PDGFRA: variants seen among roughly 807,000 people sequenced by gnomAD.
PDGFRA encodes the protein platelet derived growth factor receptor alpha.
PDGFRA carries 25 observed loss-of-function variants against 121.5 expected under a neutral mutation model. The observed-to-expected ratio is 0.21, with a 90% CI of 0.15 to 0.29. The LOEUF (loss-of-function observed/expected upper bound fraction) is 0.29, where lower values mean the gene tolerates loss of function less well. Among genes scored for constraint, PDGFRA ranks in the 10% least tolerant of loss-of-function variants. PDGFRA has a pLI of 1.00. For synonymous variants in PDGFRA, 463 were observed against 494.8 expected (o/e 0.94, Z 0.85); for missense variants, 1,008 against 1,345.1 (o/e 0.75, Z 3.92).
At chr4:54,233,031 C>G (rs1017606848) in intron 1 of PDGFRA, among the ~76,000 whole-genome samples, 2 of 152,142 alleles carry the variant, frequency 1.3e-5, no homozygotes, top group Non-Finnish European at 2.9e-5. Context: ...CCCTTTCCCC[C>G]CACCCGCCCG....
rs1264343910 is a variant in PDGFRA at position 54,297,746 on chromosome 4, A to G, written c.*2474A>G. 4.3e-6 allele frequency: 1 copy of G among 233,392 alleles called. No individual in the cohort carries two copies. The highest frequency in any genetic ancestry group is 8.5e-6 in the Non-Finnish European group (1 of 118,038). 14.5% of individuals were successfully genotyped at this position (233,392 alleles called of 1,614,324 possible). On this transcript the variant is annotated 3_prime_UTR_variant, in exon 23 of 23. Transcript: ENST00000257290. ...AGAAGAAAATTTGCCAATCTTTCCTACTTTCTATTTTTATGATGACAATCA... is the reference window on the plus strand; with the variant it reads ...AGAAGAAAATTTGCCAATCTTTCCTGCTTTCTATTTTTATGATGACAATCA...
chr4:54,251,065 CAAAAAAAAAA>C (rs566538469), intron 1 of PDGFRA, among the ~76,000 whole-genome samples: 1 of 51,858 alleles, frequency 1.9e-5, no homozygotes, highest in Non-Finnish European at 4.4e-5. Flanking sequence ...AACTCCGTCT[CAAAAAAAAAA>C]AAAAAAAAAA....
In PDGFRA at chr4:54,288,865, G is replaced by A. The variant is rs1428997941; in HGVS notation, c.2741G>A (p.Arg914Gln). 1.9e-6 allele frequency: 3 copies of A among 1,612,862 alleles called. No individual in the cohort carries two copies. Among genetic ancestry groups the A allele is most frequent in the African/African-American group, 1.3e-5 (1 of 75,000 alleles). ...TFYNKIKSGY[R>Q]MAKPDHATSE... is the part of the protein sequence containing the mutation. ...TACAATAAGATCAAGAGTGGGTACC[G>A]GATGGCCAAGCCTGACCACGCTACC... Residue 914 changes from arginine to glutamine, a missense_variant, in exon 20 of 23, where the codon CGG (arginine) becomes CAG (glutamine). Arg to Gln is a conservative substitution (Grantham distance 43). Coordinates refer to ENST00000257290, the MANE Select transcript of PDGFRA (RefSeq NM_006206.6).
chr4:54,289,571 C>A (rs1213284504), intron 21 of PDGFRA, among the ~76,000 whole-genome samples: 2 of 152,140 alleles, frequency 1.3e-5, no homozygotes, highest in African/African-American at 4.8e-5. Flanking sequence ...TGGAACCAGG[C>A]AGGATATGTA....
rs1208544952 is a variant in PDGFRA, at chr4:54,271,868, TTTCC to T, written c.1238-514_1238-511del. On this transcript the variant is annotated intron_variant, in intron 8 of 22. Transcript: ENST00000257290. The stretch of plus-strand genomic sequence containing the variant: ...CCTCCCTCCCTCCCTTGTTCTCCCT[TTTCC>T]TTCCTTCCTTCTTTCCTTTCTTCCT... Among the ~76,000 whole-genome samples the T allele has an allele frequency of 4.4e-4, 50 of 114,002 alleles. 1 individual carries two copies. The Middle Eastern group carries it at 0.015, about 34-fold the overall frequency. The allele number at this position is 114,002 out of a possible 152,430, so 74.8% of individuals were successfully genotyped here.
chr4:54,258,887 G>A (rs1186105596), intron 2 of PDGFRA, 70 bp downstream of exon 2: 5 of 1,236,416 alleles, frequency 4.0e-6, no homozygotes, highest in African/African-American at 3.0e-5. Flanking sequence ...TGCTGCATGG[G>A]TTTATTACCA....
At chr4:54,281,929 G>A (rs1724100930) in intron 16 of PDGFRA, 1 of 1,133,546 alleles carries the variant, frequency 8.8e-7, no homozygotes, top group South Asian at 2.7e-5. Context: ...TATAAGCAAA[G>A]TACTACAAAG....
At chr4:54,287,322 T>C (rs1183714544) in intron 18 of PDGFRA, 108 bp from the exon 19 acceptor site, 3 of 765,994 alleles carry the variant, frequency 3.9e-6, no homozygotes, top group African/African-American at 1.7e-5. Flanking sequence ...TGGGACAAGA[T>C]AATTAGCACA....
chr4:54,247,786 C>G (rs1420622452), intron 1 of PDGFRA, among the ~76,000 whole-genome samples: 2 of 152,172 alleles, frequency 1.3e-5, no homozygotes, highest in African/African-American at 4.8e-5. Flanking sequence ...CAAATTGTCC[C>G]TGTTTGCGGA....
At position 54,232,468 on chromosome 4, in the gene PDGFRA, C is replaced by A. The variant is rs557092584; in HGVS notation, c.-13+3053C>A. On this transcript the variant is annotated intron_variant, in intron 1 of 22. Coordinates refer to ENST00000257290, the MANE Select transcript of PDGFRA (RefSeq NM_006206.6). ...CCGACTTGGGGCGCCTCCTTCCCTG[C>A]CTCCTACTGCAGTTTCTCGGCCCCC... Among the ~76,000 whole-genome samples the A allele has an allele frequency of 1.4e-4, 22 of 152,356 alleles. No individual in the cohort carries two copies. In the East Asian group the frequency reaches 3.3e-3, roughly 23 times the overall value.
At position 54,253,601 on chromosome 4, in the gene PDGFRA, G is replaced by C. The variant is rs1264905076; in HGVS notation, c.-12-5156G>C. Among the ~76,000 whole-genome samples the C allele has an allele frequency of 4.6e-5, 7 of 152,198 alleles. No individual in the cohort carries two copies. In the East Asian group the frequency reaches 1.3e-3, roughly 29 times the overall value. On this transcript the variant is annotated intron_variant, in intron 1 of 22. Coordinates refer to ENST00000257290, the MANE Select transcript of PDGFRA (RefSeq NM_006206.6). Reference sequence around the variant, plus strand: ...GGGGCTGAAGTTCAACACATAGTTGGCATGAGAGAAGTAATTATGATTGAA... The same window carrying C: ...GGGGCTGAAGTTCAACACATAGTTGCCATGAGAGAAGTAATTATGATTGAA...
At chr4:54,291,895 G>C (rs1444642858) in intron 22 of PDGFRA, among the ~76,000 whole-genome samples, 1 of 152,072 alleles carries the variant, frequency 6.6e-6, no homozygotes, top group Non-Finnish European at 1.5e-5. Context: ...ATTGACAGTA[G>C]ACTGGATAAA....
At chr4:54,264,528 A>G (rs910683521) in intron 4 of PDGFRA, 1 of 285,952 alleles carries the variant, frequency 3.5e-6, no homozygotes, top group African/African-American at 2.3e-5. Context: ...GTGGAAGAGA[A>G]GAAGAGAAGA....
rs775944809 is a variant in PDGFRA at position 54,295,199 on chromosome 4, C to T, written c.3197C>T (p.Thr1066Ile). ...ACCTTCATCAAGAGAGAGGACGAGACCATTGAAGACATCGACATGATGGAT... is the reference window on the plus strand; with the variant it reads ...ACCTTCATCAAGAGAGAGGACGAGATCATTGAAGACATCGACATGATGGAT... ...SSTFIKREDE[T>I]IEDIDMMDDI... The change falls in exon 23 of 23, where the codon ACC becomes ATC. Residue 1066 changes from threonine to isoleucine, a missense_variant. Thr to Ile is a moderately conservative substitution (Grantham distance 89). Transcript: ENST00000257290. 1.2e-6 allele frequency: 2 copies of T among 1,613,454 alleles called. No individual in the cohort carries two copies. Among genetic ancestry groups the T allele is most frequent in the East Asian group, 4.5e-5 (2 of 44,860 alleles).
At chr4:54,265,522 C>T (rs56145315) in intron 5 of PDGFRA, among the ~76,000 whole-genome samples, 22,188 of 152,168 alleles carry the variant, frequency 0.15, 1,954 homozygotes, top group Admixed American at 0.27. Flanking sequence ...TCCTGTTCCA[C>T]CTCCTATGTG....
chr4:54,273,276 G>A (rs1224466682), intron 9 of PDGFRA, among the ~76,000 whole-genome samples: 15 of 152,128 alleles, frequency 9.9e-5, no homozygotes, highest in Non-Finnish European at 1.9e-4. Flanking sequence ...TTGGGGAATG[G>A]TAGTCATATT....
Position 54,263,158 on chromosome 4 carries a change from A to G in PDGFRA, c.368-509A>G, listed in dbSNP as rs560337554. On this transcript the variant is annotated intron_variant, in intron 3 of 22. Transcript: ENST00000257290. ...TTGAATCATACTGACTATAGGTGGTAAGAGTTTTTAAAAGCATTTCATAAT... is the reference window on the plus strand; with the variant it reads ...TTGAATCATACTGACTATAGGTGGTGAGAGTTTTTAAAAGCATTTCATAAT... Among the ~76,000 whole-genome samples, 6 of 152,376 alleles carry G rather than the reference A, an allele frequency of 3.9e-5. No individual in the cohort carries two copies. In the South Asian group the frequency reaches 1.2e-3, roughly 32 times the overall value.
chr4:54,281,440 C>A, intron 16 of PDGFRA: 1 of 405,294 alleles, frequency 2.5e-6, no homozygotes, highest in Non-Finnish European at 4.6e-6. Context: ...TCCATTTCTG[C>A]GGTTCCAAGT....
chr4:54,267,356 C>A lies in PDGFRA; in HGVS notation c.827C>A (p.Thr276Lys). ...VPSIKLVYTL[T>K]VPEATVKDSG... ...TCCATCAAATTGGTGTACACTTTGA[C>A]GGTCCCCGAGGCCACGGTGAAAGAC... Residue 276 changes from threonine to lysine, a missense_variant, in exon 6 of 23, where the codon ACG (threonine) becomes AAG (lysine). Thr to Lys is a moderately conservative substitution (Grantham distance 78). Around this residue, in one of 5 missense-constraint regions of PDGFRA, gnomAD observed 575 missense variants for 701.8 expected, o/e 0.82. Coordinates refer to ENST00000257290, the MANE Select transcript of PDGFRA (RefSeq NM_006206.6). The A allele has an allele frequency of 6.2e-7, 1 of 1,614,058 alleles. No homozygotes were observed. The highest frequency in any genetic ancestry group is 8.5e-7 in the Non-Finnish European group (1 of 1,179,926).
Sources: gnomAD v4.1 joint callset for allele counts (sites outside exome capture counted in the v4.1 genomes callset) on GRCh38, gnomAD v4.1.1 for gene constraint, gnomAD v4.1.1 regional missense constraint, MANE v1.5 for transcripts, NCBI Gene and HGNC (gene_info 2026-07-23, HGNC 2026-07-21) for gene names.